Variants in CACNB2 observed in about 807,000 individuals in gnomAD.
The protein encoded by CACNB2 is calcium voltage-gated channel auxiliary subunit beta 2, also known as voltage-dependent L-type calcium channel subunit beta-2.
In CACNB2, 42 loss-of-function variants were observed where a neutral mutation model predicts 73.3. The ratio of observed to expected loss-of-function variants is 0.57; its 90% CI spans 0.45 to 0.74. The LOEUF (loss-of-function observed/expected upper bound fraction) is 0.74, where lower values mean the gene tolerates loss of function less well. Among genes scored for constraint, CACNB2 ranks in the 30% least tolerant of loss-of-function variants. The pLI, the probability that CACNB2 is intolerant of heterozygous loss-of-function variation, is 0.00. For synonymous variants in CACNB2, 348 were observed against 310.3 expected (o/e 1.12, Z -1.28); for missense variants, 940 against 853.0 (o/e 1.10, Z -1.27).
chr10:18,325,825 GCCTCCA>G (rs1033672745), intron 2 of CACNB2, among the ~76,000 whole-genome samples: 18 of 151,064 alleles, frequency 1.2e-4, no homozygotes, highest in African/African-American at 4.4e-4. Flanking sequence ...GCTCACTGCA[GCCTCCA>G]CCTCCCAGAC....
chr10:18,398,002 C>T (rs2043802645), intron 2 of CACNB2, among the ~76,000 whole-genome samples: 1 of 152,096 alleles, frequency 6.6e-6, no homozygotes. Context: ...AAAAGACCAG[C>T]TAATCACGTT....
intron 3 of CACNB2, among the ~76,000 whole-genome samples, chr10:18,497,232 A>G (rs1474538615): frequency 6.6e-6 from 1 of 151,448 alleles, no homozygotes; most frequent in Non-Finnish European, 1.5e-5. Context: ...AAAGAAAAGA[A>G]GAAAAAAAGA....
At chr10:18,390,888 G>A (rs1163973570) in intron 2 of CACNB2, among the ~76,000 whole-genome samples, 6 of 152,212 alleles carry the variant, frequency 3.9e-5, no homozygotes, top group Non-Finnish European at 7.3e-5. Context: ...GAATTAGCCA[G>A]AGAATTATTT....
intron 2 of CACNB2, among the ~76,000 whole-genome samples, chr10:18,341,958 C>T (rs977788226): frequency 3.3e-5 from 5 of 152,040 alleles, no homozygotes; most frequent in Admixed American, 6.6e-5. Context: ...AAGTATTGTA[C>T]GTGACAATTC....
chr10:18,539,634 G>C lies in CACNB2; in HGVS notation c.1893G>C (p.Lys631Asn), dbSNP rs757610366. The C allele has an allele frequency of 1.9e-6, 3 of 1,613,374 alleles. No individual in the cohort carries two copies. In the Admixed American group the frequency reaches 5.0e-5, roughly 27 times the overall value. The change falls in exon 14 of 14, where the codon AAG (lysine) becomes AAC (asparagine). Residue 631 changes from lysine (K) to asparagine (N), a missense_variant. Coordinates refer to ENST00000324631, the MANE Select transcript of CACNB2 (RefSeq NM_201596.3). ...CNKQRSRHKS[K>N]DRYCEKDGEV... ...AGCAGCGCAGCCGTCATAAATCCAA[G>C]GATCGCTACTGTGAAAAGGATGGAG... is the stretch of plus-strand genomic sequence containing the variant.
At chr10:18,357,504 C>T (rs2041970870) in intron 2 of CACNB2, among the ~76,000 whole-genome samples, 1 of 152,170 alleles carries the variant, frequency 6.6e-6, no homozygotes, top group Admixed American at 6.6e-5. Flanking sequence ...GTGATGTACA[C>T]CTACAGGTGT....
intron 2 of CACNB2, among the ~76,000 whole-genome samples, chr10:18,220,230 T>TAGAGAGAGAGAGAGAGAG (rs1352080814): frequency 2.9e-5 from 1 of 34,444 alleles, no homozygotes; most frequent in Non-Finnish European, 4.4e-5. Flanking sequence ...TATATATATA[T>TAGAGAGAGAGAGAGAGAG]ATAGAGAGAG....
chr10:18,140,905 G>C (rs761187420), intron 1 of CACNB2, 49 bp downstream of exon 1: 3 of 1,559,116 alleles, frequency 1.9e-6, no homozygotes, highest in Admixed American at 1.9e-5. Context: ...CGCCGGGCAG[G>C]GCACCGACCT....
At chr10:18,414,870 C>T (rs139062639) in intron 3 of CACNB2, among the ~76,000 whole-genome samples, 1 of 151,904 alleles carries the variant, frequency 6.6e-6, no homozygotes, top group African/African-American at 2.4e-5. Flanking sequence ...TTTTTCTCCA[C>T]CAGATGTTAA....
At chr10:18,158,637 T>A (rs1747733667) in intron 2 of CACNB2, among the ~76,000 whole-genome samples, 1 of 152,180 alleles carries the variant, frequency 6.6e-6, no homozygotes, top group African/African-American at 2.4e-5. Flanking sequence ...TTAAGTGAAT[T>A]AGTTTTTCAT....
chr10:18,249,655 G>A (rs552849560), intron 2 of CACNB2, among the ~76,000 whole-genome samples: 3 of 152,214 alleles, frequency 2.0e-5, no homozygotes, highest in South Asian at 2.1e-4. Context: ...TCTAATGGGC[G>A]AGATGCTCCA....
chr10:18,485,224 C>G (rs1454730668), intron 3 of CACNB2, among the ~76,000 whole-genome samples: 2 of 152,070 alleles, frequency 1.3e-5, no homozygotes, highest in Non-Finnish European at 2.9e-5. Context: ...GAAAAGTTTC[C>G]TTCCTTAATG....
At chr10:18,221,782 CAT>C (rs1198293380) in intron 2 of CACNB2, among the ~76,000 whole-genome samples, 1 of 152,174 alleles carries the variant, frequency 6.6e-6, no homozygotes, top group African/African-American at 2.4e-5. Context: ...GTTTGAAAAT[CAT>C]ATCTTTCTCT....
At chr10:18,369,654 C>G (rs1284086323) in intron 2 of CACNB2, among the ~76,000 whole-genome samples, 1 of 152,168 alleles carries the variant, frequency 6.6e-6, no homozygotes, top group Non-Finnish European at 1.5e-5. Flanking sequence ...CACCTGTAAT[C>G]CCAGCACTTT....
At chr10:18,248,298 A>G (rs1264434704) in intron 2 of CACNB2, among the ~76,000 whole-genome samples, 1 of 152,238 alleles carries the variant, frequency 6.6e-6, no homozygotes, top group Non-Finnish European at 1.5e-5. Context: ...AAAATTAAAA[A>G]TTCGTATTTC....
At chr10:18,508,430 ATTCCTAT>A (rs1388689235) in intron 6 of CACNB2, among the ~76,000 whole-genome samples, 9 of 152,158 alleles carry the variant, frequency 5.9e-5, no homozygotes, top group Non-Finnish European at 1.3e-4. Flanking sequence ...AGTTGCAGGG[ATTCCTAT>A]ATAAACCTTA....
intron 2 of CACNB2, among the ~76,000 whole-genome samples, chr10:18,231,833 A>C (rs1255228019): frequency 4.6e-5 from 7 of 152,194 alleles, no homozygotes; most frequent in Admixed American, 4.6e-4. Context: ...GTCTCAAAGT[A>C]GTTTCAGCCC....
At chr10:18,212,023 G>A (rs1335952571) in intron 2 of CACNB2, among the ~76,000 whole-genome samples, 1 of 152,160 alleles carries the variant, frequency 6.6e-6, no homozygotes, top group African/African-American at 2.4e-5. Flanking sequence ...GTTCACAGCT[G>A]TATCAACAGG....
chr10:18,234,528 G>A (rs1421831101), intron 2 of CACNB2, among the ~76,000 whole-genome samples: 1 of 152,182 alleles, frequency 6.6e-6, no homozygotes, highest in Non-Finnish European at 1.5e-5. Flanking sequence ...GCAAATCGTG[G>A]TCTGTACATA....
Sources: gnomAD v4.1 joint callset for allele counts (sites outside exome capture counted in the v4.1 genomes callset) on GRCh38, gnomAD v4.1.1 for gene constraint, MANE v1.5 for transcripts, NCBI Gene and HGNC (gene_info 2026-07-23, HGNC 2026-07-21) for gene names.